FAM200B: variants seen among roughly 807,000 people sequenced by gnomAD.
FAM200B encodes zinc finger BED-type containing 11, also known as protein FAM200B.
In FAM200B, 32 loss-of-function variants were observed where a neutral mutation model predicts 33.1. That is an observed-to-expected ratio of 0.97 (90% CI 0.73 to 1.30). The LOEUF (loss-of-function observed/expected upper bound fraction) is 1.30, where lower values mean the gene tolerates loss of function less well. Ranked by LOEUF, FAM200B falls within the 50% of genes most tolerant of loss-of-function variation. The probability of loss-of-function intolerance (pLI) is 0.00; values close to 1 mark genes in which losing one functional copy is unlikely to be tolerated. For synonymous variants in FAM200B, 240 were observed against 264.8 expected (o/e 0.91, Z 0.91); for missense variants, 741 against 754.0 (o/e 0.98, Z 0.20).
the FAM200B span, among the ~76,000 whole-genome samples, chr4:15,643,568 G>C: frequency 2.3e-5 from 2 of 88,524 alleles, no homozygotes; most frequent in African/African-American, 4.0e-5. Flanking sequence ...ACTATGTCTG[G>C]CTAAATTTTT....
the FAM200B span, chr4:15,644,652 C>T: frequency 1.9e-6 from 3 of 1,613,970 alleles, no homozygotes; most frequent in Non-Finnish European, 2.5e-6. Flanking sequence ...AAGTAGCATA[C>T]AAAGACTGCA....
At chr4:15,670,222 C>T in the FAM200B span, among the ~76,000 whole-genome samples, 2 of 152,320 alleles carry the variant, frequency 1.3e-5, no homozygotes, top group African/African-American at 4.8e-5. Flanking sequence ...AATAGAGCTA[C>T]AATGGACATT....
chr4:15,679,221 C>A (rs954449754), upstream of FAM200B, among the ~76,000 whole-genome samples: 2 of 152,016 alleles, frequency 1.3e-5, no homozygotes, highest in African/African-American at 4.8e-5. Flanking sequence ...TGCCACCACA[C>A]CCAGCTAATT....
upstream of FAM200B, among the ~76,000 whole-genome samples, chr4:15,678,504 T>C (rs1255549382): frequency 6.6e-6 from 1 of 152,224 alleles, no homozygotes; most frequent in Non-Finnish European, 1.5e-5. Context: ...GAAGAAAAGC[T>C]ACAATGCTAC....
upstream of FAM200B, among the ~76,000 whole-genome samples, chr4:15,678,866 T>C (rs1349534188): frequency 6.6e-6 from 1 of 152,188 alleles, no homozygotes; most frequent in African/African-American, 2.4e-5. Flanking sequence ...ATTCTGTTTC[T>C]CACTCTACTG....
chr4:15,652,805 T>C, the FAM200B span, among the ~76,000 whole-genome samples: 19 of 152,320 alleles, frequency 1.2e-4, no homozygotes, highest in East Asian at 2.9e-3. Flanking sequence ...GAGCCCAAAT[T>C]TGTACAGTGA....
the FAM200B span, among the ~76,000 whole-genome samples, chr4:15,659,316 C>T: frequency 2.6e-5 from 4 of 152,122 alleles, no homozygotes; most frequent in Non-Finnish European, 5.9e-5. Context: ...CAGTAATATA[C>T]ATATATGGTT....
chr4:15,651,005 A>G, the FAM200B span, among the ~76,000 whole-genome samples: 7 of 152,336 alleles, frequency 4.6e-5, no homozygotes, highest in Admixed American at 2.0e-4. Context: ...CTGATTCTCA[A>G]AAGTGGTATG....
chr4:15,670,481 A>G, the FAM200B span, among the ~76,000 whole-genome samples: 7 of 152,072 alleles, frequency 4.6e-5, no homozygotes, highest in Non-Finnish European at 1.0e-4. Context: ...CTTTTAACCT[A>G]TTTGGGTTTT....
chr4:15,655,472 C>T, the FAM200B span: 1 of 851,342 alleles, frequency 1.2e-6, no homozygotes. Context: ...CCCTGCGGCC[C>T]ACGTGACCGG....
the FAM200B span, chr4:15,641,685 G>C: frequency 1.8e-5 from 8 of 442,978 alleles, no homozygotes; most frequent in Non-Finnish European, 3.1e-5. Flanking sequence ...ACAGCACAGG[G>C]TGTTGGCAAC....
chr4:15,644,879 A>G, the FAM200B span, among the ~76,000 whole-genome samples: 2 of 152,240 alleles, frequency 1.3e-5, no homozygotes, highest in Admixed American at 1.3e-4. Context: ...GGTATAATAA[A>G]AAGTGCACTA....
the FAM200B span, among the ~76,000 whole-genome samples, chr4:15,654,392 A>T: frequency 6.6e-6 from 1 of 152,208 alleles, no homozygotes; most frequent in South Asian, 2.1e-4. Flanking sequence ...CCATCTCCAC[A>T]AAAGTGCCTC....
At chr4:15,680,233 C>G (rs1291594011), upstream of FAM200B, among the ~76,000 whole-genome samples, 1 of 151,988 alleles carries the variant, frequency 6.6e-6, no homozygotes, top group African/African-American at 2.4e-5. Context: ...AAACAAGAAA[C>G]TAATTTAAAA....
At chr4:15,637,867 C>T in the FAM200B span, among the ~76,000 whole-genome samples, 5 of 149,676 alleles carry the variant, frequency 3.3e-5, no homozygotes, top group Non-Finnish European at 7.4e-5. Flanking sequence ...AGCAAAGCTA[C>T]TGAACATAAA....
At chr4:15,637,213 C>T in the FAM200B span, among the ~76,000 whole-genome samples, 3 of 152,254 alleles carry the variant, frequency 2.0e-5, no homozygotes, top group Non-Finnish European at 4.4e-5. Flanking sequence ...CCTAGAGATG[C>T]TTTAAACTAC....
Position 15,687,841 on chromosome 4 carries a change from G to A in FAM200B, c.864G>A (p.Trp288Ter). 6.4e-7 allele frequency: 1 copy of A among 1,551,246 alleles called. No individual in the cohort carries two copies. The highest frequency in any genetic ancestry group is 8.7e-7 in the Non-Finnish European group (1 of 1,146,742). Residue 288 changes from tryptophan to a stop codon, truncating the protein, a stop_gained, in exon 2 of 2, where the codon TGG (tryptophan) becomes TGA (stop). Coordinates refer to ENST00000422728, the MANE Select transcript of FAM200B (RefSeq NM_001145191.2). LOFTEE classifies it high-confidence loss of function. ...TAGTTGGCCAATATAAATTAAACTG[G>A]AAAAACTGTAAAGGAATTACAAGTG... ...RRIVGQYKLNWKNCKGITSDG... is the reference protein window; with the variant it reads ...RRIVGQYKLN
upstream of FAM200B, chr4:15,681,504 C>G (rs1718269259): frequency 6.2e-6 from 1 of 161,294 alleles, no homozygotes; most frequent in African/African-American, 2.4e-5. Context: ...CCGCGCTCGG[C>G]TACATCCGGC....
chr4:15,641,734 T>C, the FAM200B span: 1 of 392,846 alleles, frequency 2.5e-6, no homozygotes, highest in Non-Finnish European at 5.0e-6. Flanking sequence ...CTGTACCTGT[T>C]AACATTATCC....
Sources: gnomAD v4.1 joint callset for allele counts (sites outside exome capture counted in the v4.1 genomes callset) on GRCh38, gnomAD v4.1.1 for gene constraint, MANE v1.5 for transcripts, NCBI Gene and HGNC (gene_info 2026-07-23, HGNC 2026-07-21) for gene names.